Variants in ALCAM observed in about 807,000 individuals in gnomAD.
ALCAM encodes the protein activated leukocyte cell adhesion molecule.
In ALCAM, 30 loss-of-function variants were observed where a neutral mutation model predicts 70.9. The ratio of observed to expected loss-of-function variants is 0.42; its 90% CI spans 0.32 to 0.57. The LOEUF (loss-of-function observed/expected upper bound fraction) is 0.57. ALCAM is among the 20% of genes least tolerant of loss of function. ALCAM has a pLI of 0.11. For missense variants in ALCAM, 591 were observed against 695.1 expected (o/e 0.85, Z 1.68); for synonymous variants, 249 against 242.5 (o/e 1.03, Z -0.25).
At chr3:105,569,549 A>C (rs1055584285) in intron 14 of ALCAM, among the ~76,000 whole-genome samples, 12 of 152,158 alleles carry the variant, frequency 7.9e-5, no homozygotes, top group Admixed American at 7.2e-4. Flanking sequence ...AAAAAAAAGC[A>C]GCTGGGTATG....
At chr3:105,527,100 A>C (rs935309703) in intron 3 of ALCAM, among the ~76,000 whole-genome samples, 2 of 152,164 alleles carry the variant, frequency 1.3e-5, no homozygotes, top group Non-Finnish European at 2.9e-5. Context: ...AAATCCAAAT[A>C]AGTGGCATTC....
intron 1 of ALCAM, among the ~76,000 whole-genome samples, chr3:105,508,614 A>G (rs1174304668): frequency 1.3e-5 from 2 of 152,154 alleles, no homozygotes; most frequent in African/African-American, 2.4e-5. Flanking sequence ...CTTTTATTGT[A>G]TATATTTAAT....
At chr3:105,563,933 C>T (rs1457182700) in intron 14 of ALCAM, among the ~76,000 whole-genome samples, 4 of 149,524 alleles carry the variant, frequency 2.7e-5, no homozygotes, top group Admixed American at 6.6e-5. Context: ...ATGATCCACC[C>T]GCCTCGGCCT....
intron 1 of ALCAM, among the ~76,000 whole-genome samples, chr3:105,423,511 A>G (rs1246902789): frequency 6.6e-6 from 1 of 150,756 alleles, no homozygotes; most frequent in East Asian, 1.9e-4. Flanking sequence ...AAAAAAAAAA[A>G]AGAAAACATC....
At chr3:105,456,344 C>A (rs968678730) in intron 1 of ALCAM, among the ~76,000 whole-genome samples, 3 of 152,178 alleles carry the variant, frequency 2.0e-5, no homozygotes, top group African/African-American at 7.2e-5. Context: ...CACTGTCCTG[C>A]ATCAGAATGG....
At position 105,386,789 on chromosome 3, in the gene ALCAM, A is replaced by C. The variant is rs373753485; in HGVS notation, c.73+19308A>C. Among the ~76,000 whole-genome samples the C allele has an allele frequency of 1.4e-4, 21 of 151,616 alleles. No individual in the cohort carries two copies. The East Asian group carries it at 1.8e-3, about 13-fold the overall frequency. On this transcript the variant is annotated intron_variant, in intron 1 of 15. Coordinates refer to ENST00000306107, the MANE Select transcript of ALCAM (RefSeq NM_001627.4). ...AATATTTAAAAGAAGTATACATGTTAGATGCAAAGCGCTAATTCAGGAATG... is the reference window on the plus strand; with the variant it reads ...AATATTTAAAAGAAGTATACATGTTCGATGCAAAGCGCTAATTCAGGAATG...
intron 1 of ALCAM, among the ~76,000 whole-genome samples, chr3:105,386,136 G>A (rs950269815): frequency 2.6e-4 from 40 of 151,560 alleles, no homozygotes; most frequent in African/African-American, 8.7e-4. Context: ...AGACTATAGA[G>A]GAAGTTAAAA....
chr3:105,524,725 A>T, intron 3 of ALCAM: 1 of 1,306,800 alleles, frequency 7.7e-7, no homozygotes, highest in East Asian at 2.8e-5. Flanking sequence ...GAACTAAAAT[A>T]ATATTCTCTG....
At chr3:105,567,018 TCAC>T (rs1381372085) in intron 14 of ALCAM, among the ~76,000 whole-genome samples, 1 of 152,158 alleles carries the variant, frequency 6.6e-6, no homozygotes, top group Non-Finnish European at 1.5e-5. Flanking sequence ...AAGGATCTTT[TCAC>T]TGATATAAAA....
chr3:105,373,098 T>C (rs1935278429), intron 1 of ALCAM, among the ~76,000 whole-genome samples: 1 of 152,092 alleles, frequency 6.6e-6, no homozygotes, highest in African/African-American at 2.4e-5. Flanking sequence ...TTTCCATGAA[T>C]AAATGAATAA....
intron 1 of ALCAM, among the ~76,000 whole-genome samples, chr3:105,394,305 C>T (rs1463092676): frequency 1.3e-5 from 2 of 151,944 alleles, no homozygotes; most frequent in African/African-American, 4.8e-5. Flanking sequence ...CTGAGAAGGA[C>T]ATACATAGCT....
chr3:105,549,845 C>T (rs538958585), intron 11 of ALCAM, among the ~76,000 whole-genome samples: 5 of 151,010 alleles, frequency 3.3e-5, no homozygotes, highest in African/African-American at 9.7e-5. Flanking sequence ...TATCATCAGG[C>T]CAAAATGTTG....
At chr3:105,463,571 TG>T (rs1282071796) in intron 1 of ALCAM, among the ~76,000 whole-genome samples, 1 of 151,440 alleles carries the variant, frequency 6.6e-6, no homozygotes, top group Admixed American at 6.6e-5. Context: ...ATTGGGAATT[TG>T]GGGTGATTTG....
At chr3:105,410,410 G>C (rs1294570622) in intron 1 of ALCAM, among the ~76,000 whole-genome samples, 2 of 152,028 alleles carry the variant, frequency 1.3e-5, no homozygotes, top group Non-Finnish European at 2.9e-5. Context: ...TAAGTCAGAA[G>C]AGTTAATGTC....
rs774291073 is a variant in ALCAM at position 105,541,655 on chromosome 3, G to T, written c.881G>T (p.Ser294Ile). ...YLPGQPEGIRSSNTYTLTDVR... is the reference protein window; with the variant it reads ...YLPGQPEGIRISNTYTLTDVR... ...AAGGGACAGCCCGAAGGAATAAGAA[G>T]CTCAAATACTTACACACTGACGGAT... The change falls in exon 8 of 16, where the codon AGC becomes ATC. Residue 294 changes from serine (S) to isoleucine (I), a missense_variant. Ser to Ile is a moderately radical substitution (Grantham distance 142, BLOSUM62 -2). Transcript: ENST00000306107. 1.2e-5 allele frequency: 20 copies of T among 1,611,712 alleles called. No homozygotes were observed. In the Middle Eastern group the frequency reaches 6.6e-4, roughly 53 times the overall value.
chr3:105,454,442 C>T (rs1000050573), intron 1 of ALCAM, among the ~76,000 whole-genome samples: 4 of 152,016 alleles, frequency 2.6e-5, no homozygotes, highest in African/African-American at 4.8e-5. Flanking sequence ...TTATCTCTCC[C>T]CATCTCCCCG....
intron 1 of ALCAM, among the ~76,000 whole-genome samples, chr3:105,380,605 AT>A (rs1935493651): frequency 6.6e-6 from 1 of 151,932 alleles, no homozygotes; most frequent in Admixed American, 6.6e-5. Flanking sequence ...CTGAAGTCTA[AT>A]TAAGGAAAAA....
chr3:105,400,782 G>A (rs1431803951), intron 1 of ALCAM, among the ~76,000 whole-genome samples: 1 of 152,074 alleles, frequency 6.6e-6, no homozygotes, highest in East Asian at 1.9e-4. Context: ...TTCAGAGATG[G>A]GGTTAAGTAG....
At position 105,493,162 on chromosome 3, in the gene ALCAM, G is replaced by C. The variant is rs191215834; in HGVS notation, c.74-26905G>C. 2.2e-4 allele frequency among the ~76,000 whole-genome samples: 34 copies of C among 152,192 alleles called. 1 individual carries two copies. In the East Asian group the frequency reaches 5.6e-3, roughly 25 times the overall value. On this transcript the variant is annotated intron_variant, in intron 1 of 15. Coordinates refer to ENST00000306107, the MANE Select transcript of ALCAM (RefSeq NM_001627.4). ...ATACAAAATCAGAATTAACTGCTTG[G>C]ATAGCCTTTTGCAAATCATTTCACA...
Sources: allele counts gnomAD v4.1 joint callset (sites outside exome capture counted in the v4.1 genomes callset), GRCh38; gene constraint gnomAD v4.1.1; transcripts MANE v1.5; gene names NCBI Gene and HGNC (gene_info 2026-07-23, HGNC 2026-07-21).